The following CFAP47 variants were observed in gnomAD, a reference collection of about 807,000 sequenced individuals.
CFAP47 encodes the protein cilia- and flagella-associated protein 47.
Under a neutral mutation model 148.1 loss-of-function variants are expected in CFAP47, and 29 were observed. The observed-to-expected ratio is 0.20, with a 90% CI of 0.15 to 0.27. The LOEUF (loss-of-function observed/expected upper bound fraction) is 0.27. Ranked by LOEUF, CFAP47 falls within the 10% of genes least tolerant of loss-of-function variation. The pLI is 1.00. For missense variants in CFAP47, 1,872 were observed against 1,697.5 expected (o/e 1.10, Z -1.81); for synonymous variants, 664 against 577.3 (o/e 1.15, Z -2.15).
chrX:35,969,438 T>C (rs776864157), intron 10 of CFAP47, among the ~76,000 whole-genome samples: 28 of 111,763 alleles, frequency 2.5e-4, no homozygotes, highest in African/African-American at 8.4e-4. Flanking sequence ...TTTGAATAAA[T>C]AAATGAGGAA....
At chrX:36,073,071 C>T in intron 28 of CFAP47, 68 bp from the exon 29 acceptor site, 1 of 740,168 alleles carries the variant, frequency 1.4e-6, no homozygotes, top group Non-Finnish European at 2.1e-6. Flanking sequence ...ATACAAATGA[C>T]AATAACTGAC....
intron 33 of CFAP47, among the ~76,000 whole-genome samples, chrX:36,130,207 G>A (rs908113946): frequency 1.8e-5 from 2 of 110,787 alleles, no homozygotes; most frequent in African/African-American, 6.5e-5. Context: ...TATATAAGGA[G>A]CTCAAACAAC....
intron 29 of CFAP47, among the ~76,000 whole-genome samples, chrX:36,077,736 A>G (rs1458719297): frequency 3.6e-5 from 4 of 111,862 alleles, no homozygotes; most frequent in Non-Finnish European, 5.6e-5. Flanking sequence ...AATTAGAAAG[A>G]TTCCAAATTG....
At chrX:36,109,641 A>G (rs1383171810) in intron 33 of CFAP47, among the ~76,000 whole-genome samples, 3 of 110,128 alleles carry the variant, frequency 2.7e-5, no homozygotes, top group Middle Eastern at 9.3e-3. Context: ...ACGCCCAGCT[A>G]ATTTTTGTAT....
At chrX:36,198,933 G>A (rs1410198948) in intron 42 of CFAP47, among the ~76,000 whole-genome samples, 1 of 111,975 alleles carries the variant, frequency 8.9e-6, no homozygotes, top group African/African-American at 3.2e-5. Context: ...TTATAATGAA[G>A]CAAATCCCAG....
intron 26 of CFAP47, among the ~76,000 whole-genome samples, chrX:36,050,453 A>T (rs1937514470): frequency 9.0e-6 from 1 of 111,248 alleles, no homozygotes; most frequent in Non-Finnish European, 1.9e-5. Flanking sequence ...GAACTTGTTG[A>T]GGACTGGAGT....
chrX:35,932,943 G>T (rs955429235), intron 2 of CFAP47, among the ~76,000 whole-genome samples: 10 of 111,338 alleles, frequency 9.0e-5, no homozygotes, highest in African/African-American at 3.3e-4. Flanking sequence ...TTTTATGGGT[G>T]CATAGTATGT....
chrX:36,278,732 C>A (rs1215603021), intron 49 of CFAP47, among the ~76,000 whole-genome samples: 2 of 112,191 alleles, frequency 1.8e-5, no homozygotes, highest in African/African-American at 6.5e-5. Context: ...GGAACAGACC[C>A]CAAATGTATA....
intron 49 of CFAP47, among the ~76,000 whole-genome samples, chrX:36,267,329 G>A (rs1176193037): frequency 9.0e-6 from 1 of 111,322 alleles, no homozygotes; most frequent in Non-Finnish European, 1.9e-5. Flanking sequence ...TAGGTAGAGT[G>A]CTATCAATAT....
chrX:36,203,913 G>A (rs1220823756), intron 44 of CFAP47, among the ~76,000 whole-genome samples: 1 of 111,730 alleles, frequency 9.0e-6, no homozygotes, highest in Non-Finnish European at 1.9e-5. Context: ...CATCTGTGGA[G>A]AGGTGGGACC....
chrX:36,176,473 A>G (rs867264727), intron 39 of CFAP47, among the ~76,000 whole-genome samples: 1 of 112,652 alleles, frequency 8.9e-6, no homozygotes, highest in Non-Finnish European at 1.9e-5. Context: ...ATCACCTGGG[A>G]GCTTGCTAGA....
intron 63 of CFAP47, among the ~76,000 whole-genome samples, chrX:36,381,196 A>G (rs1942075056): frequency 9.0e-6 from 1 of 110,801 alleles, no homozygotes; most frequent in African/African-American, 3.3e-5. Context: ...CTTATGGCCA[A>G]TTCTGCTTCA....
chrX:36,236,546 T>A, intron 47 of CFAP47, 140 bp from the exon 48 acceptor site: 1 of 405,866 alleles, frequency 2.5e-6, no homozygotes, highest in Non-Finnish European at 4.3e-6. Flanking sequence ...AGCAGTTATT[T>A]GTGTATTGAA....
At chrX:35,932,309 G>T (rs1200912351) in intron 2 of CFAP47, among the ~76,000 whole-genome samples, 5 of 101,702 alleles carry the variant, frequency 4.9e-5, no homozygotes, top group African/African-American at 7.3e-5. Flanking sequence ...GCCCAGGCTG[G>T]AGTGCAATGG....
intron 13 of CFAP47, 54 bp from the exon 14 acceptor site, chrX:35,975,093 A>G: frequency 1.1e-5 from 8 of 705,653 alleles, no homozygotes; most frequent in South Asian, 4.1e-5. Flanking sequence ...TAAAAAGTAA[A>G]TGAAGTCATT....
Position 35,975,825 on chromosome X carries a change from G to A in CFAP47, c.2625G>A (p.Leu875=), listed in dbSNP as rs748505259. The change falls in exon 15 of 64, where the codon TTG becomes TTA. Residue 875 remains leucine (L), a synonymous_variant. Coordinates refer to ENST00000378653, the MANE Select transcript of CFAP47 (RefSeq NM_001304548.2). ...CATGTTTTCGGGGGACAGTTAGATT[G>A]TATAATCGTCAGAATTGTTGTGCTC... ...MKTCFRGTVR[L]YNRQNCCAQF... 25 of 1,208,267 alleles carry A rather than the reference G, an allele frequency of 2.1e-5. No individual in the cohort carries two copies. The highest frequency in any genetic ancestry group is 2.8e-5 in the Non-Finnish European group (25 of 893,827).
At chrX:36,146,372 A>G (rs1004676324) in intron 36 of CFAP47, among the ~76,000 whole-genome samples, 4 of 112,083 alleles carry the variant, frequency 3.6e-5, no homozygotes, top group Non-Finnish European at 7.5e-5. Flanking sequence ...AATTTAAATT[A>G]TGATGTTAAA....
intron 49 of CFAP47, among the ~76,000 whole-genome samples, chrX:36,268,142 C>T (rs1940916786): frequency 8.8e-6 from 1 of 113,350 alleles, no homozygotes; most frequent in Non-Finnish European, 1.9e-5. Context: ...ATGATCTGTC[C>T]TCTGATTGCT....
chrX:36,151,002 ACTCCACT>A (rs1939300791), intron 37 of CFAP47, among the ~76,000 whole-genome samples: 1 of 111,814 alleles, frequency 8.9e-6, no homozygotes, highest in African/African-American at 3.2e-5. Context: ...TGAGATCTAT[ACTCCACT>A]CTTCCAATAG....
Sources: gnomAD v4.1 joint callset for allele counts (sites outside exome capture counted in the v4.1 genomes callset) on GRCh38, gnomAD v4.1.1 for gene constraint, MANE v1.5 for transcripts, NCBI Gene and HGNC (gene_info 2026-07-23, HGNC 2026-07-21) for gene names.